Variants in TTLL11 observed in about 807,000 individuals in gnomAD.
The protein encoded by TTLL11 is tubulin tyrosine ligase like 11.
TTLL11 carries 42 observed loss-of-function variants against 51.7 expected under a neutral mutation model. The observed-to-expected ratio is 0.81, with a 90% CI of 0.64 to 1.05. The LOEUF (loss-of-function observed/expected upper bound fraction) is 1.05, where lower values mean the gene tolerates loss of function less well. Among genes scored for constraint, TTLL11 ranks in the 50% least tolerant of loss-of-function variants. TTLL11 has a pLI of 0.00. For synonymous variants in TTLL11, 381 were observed against 383.5 expected (o/e 0.99, Z 0.08); for missense variants, 799 against 940.4 (o/e 0.85, Z 1.97).
intron 6 of TTLL11, among the ~76,000 whole-genome samples, chr9:121,940,593 C>A (rs1481128830): frequency 2.6e-5 from 4 of 152,124 alleles, no homozygotes; most frequent in Non-Finnish European, 5.9e-5. Flanking sequence ...CCACCTCAGC[C>A]TCCCAAAGTG....
intron 6 of TTLL11, among the ~76,000 whole-genome samples, chr9:121,911,394 C>T (rs1307549138): frequency 3.3e-5 from 5 of 151,762 alleles, no homozygotes; most frequent in Non-Finnish European, 1.5e-5. Flanking sequence ...GAGACTCCAT[C>T]TCAGGAGAAA....
rs192267837 is a variant in TTLL11, at chr9:122,034,494, C to A, written c.560-2638G>T. 2.0e-5 allele frequency among the ~76,000 whole-genome samples: 3 copies of A among 152,336 alleles called. No individual in the cohort carries two copies. In the East Asian group the frequency reaches 5.8e-4, roughly 29 times the overall value. Reference sequence around the variant, plus strand: ...AGGCCGGAGGCAGCTCACTCCAAACCTGCCTGAATGCCTGTCTCCAGGAGG... The same window carrying A: ...AGGCCGGAGGCAGCTCACTCCAAACATGCCTGAATGCCTGTCTCCAGGAGG... On this transcript the variant is annotated intron_variant, in intron 2 of 8. Coordinates refer to ENST00000321582, the MANE Select transcript of TTLL11 (RefSeq NM_001139442.2).
chr9:122,076,226 AG>A (rs1227546897), intron 1 of TTLL11, among the ~76,000 whole-genome samples: 1 of 152,188 alleles, frequency 6.6e-6, no homozygotes, highest in Non-Finnish European at 1.5e-5. Flanking sequence ...CCACTCTTCA[AG>A]CCGTCTGTAA....
intron 4 of TTLL11, among the ~76,000 whole-genome samples, chr9:121,988,630 C>T (rs1350194329): frequency 2.0e-5 from 3 of 152,330 alleles, no homozygotes; most frequent in African/African-American, 7.2e-5. Flanking sequence ...GGAAGCCTTC[C>T]CTGACCACGC....
chr9:122,031,234 G>A (rs1458067399), intron 3 of TTLL11, among the ~76,000 whole-genome samples: 1 of 152,256 alleles, frequency 6.6e-6, no homozygotes, highest in African/African-American at 2.4e-5. Flanking sequence ...GATGGAATGG[G>A]TCACTTGACA....
chr9:121,981,148 T>C (rs201058133), intron 4 of TTLL11, among the ~76,000 whole-genome samples: 2 of 144,226 alleles, frequency 1.4e-5, no homozygotes, highest in East Asian at 3.9e-4. Context: ...TTTTTTTTTT[T>C]AAATATTCCC....
intron 1 of TTLL11, among the ~76,000 whole-genome samples, chr9:122,066,181 G>A (rs111437018): frequency 9.3e-5 from 14 of 149,752 alleles, no homozygotes; most frequent in African/African-American, 3.5e-4. Flanking sequence ...GTGGACTGGG[G>A]AGCAGAGTGT....
rs776259020 is a variant in TTLL11 at position 121,972,241 on chromosome 9, C to T, written c.1481+1768G>A. 7.9e-5 allele frequency among the ~76,000 whole-genome samples: 12 copies of T among 152,198 alleles called. No homozygotes were observed. The East Asian group carries it at 1.2e-3, about 15-fold the overall frequency. ...ACCCAAATCTCCTTACAGTACCATACGATTTCTCAGAACCTAATATCTGCT... is the reference window on the plus strand; with the variant it reads ...ACCCAAATCTCCTTACAGTACCATATGATTTCTCAGAACCTAATATCTGCT... On this transcript the variant is annotated intron_variant, in intron 6 of 8. Transcript: ENST00000321582.
chr9:121,854,241 G>T (rs1012046039), intron 8 of TTLL11, among the ~76,000 whole-genome samples: 13 of 152,176 alleles, frequency 8.5e-5, no homozygotes, highest in African/African-American at 3.1e-4. Flanking sequence ...TGGGCACATA[G>T]CTCAGGAGGC....
At chr9:122,071,083 C>T (rs998198748) in intron 1 of TTLL11, among the ~76,000 whole-genome samples, 7 of 152,126 alleles carry the variant, frequency 4.6e-5, no homozygotes, top group Non-Finnish European at 7.3e-5. Context: ...GTTGCTGGAA[C>T]TTTTTAAGCA....
chr9:121,826,553 G>GTATATATATATATATATATATA (rs1385087890), intron 8 of TTLL11, among the ~76,000 whole-genome samples: 15 of 45,204 alleles, frequency 3.3e-4, no homozygotes, highest in African/African-American at 7.2e-4. Context: ...ATATATATGT[G>GTATATATATATATATATATATA]TGTGTATATA....
chr9:121,822,715 C>A lies in TTLL11; in HGVS notation c.2005G>T (p.Gly669Trp), dbSNP rs1009597569. The change falls in exon 9 of 9, where the codon GGG becomes TGG. Residue 669 changes from glycine (G) to tryptophan (W), a missense_variant. This residue lies in a region of TTLL11 where 165 missense variants were observed against 166.1 expected (regional missense o/e 0.99). Coordinates refer to ENST00000321582, the MANE Select transcript of TTLL11 (RefSeq NM_001139442.2). The surrounding 1 kb of genome is among the most constrained non-coding windows in gnomAD (Gnocchi z 5.8). Reference sequence around the variant, plus strand: ...GGGCCACGGTGTGGGGGCCGGCCCCCCGACGGGACGCCCCGGCCACACACC... The same window carrying A: ...GGGCCACGGTGTGGGGGCCGGCCCCACGACGGGACGCCCCGGCCACACACC... ...RLVCGRGVPS[G>W]GRPPHRGPPQ... 10 of 1,550,654 alleles carry A rather than the reference C, an allele frequency of 6.4e-6. No individual in the cohort carries two copies. Among genetic ancestry groups the A allele is most frequent in the African/African-American group, 1.4e-5 (1 of 73,026 alleles).
Position 122,093,308 on chromosome 9 carries a change from C to G in TTLL11, c.-160G>C, listed in dbSNP as rs892258203. ...TCAGGCTCGGGTTGACAGCGGCAGT[C>G]ACCGCATCGAGACGGGGTCCGGGAA... On this transcript the variant is annotated 5_prime_UTR_variant, in exon 1 of 9. Transcript: ENST00000321582. 5.1e-6 allele frequency: 8 copies of G among 1,576,430 alleles called. No homozygotes were observed. Among genetic ancestry groups the G allele is most frequent in the Non-Finnish European group, 6.0e-6 (7 of 1,169,828 alleles).
intron 6 of TTLL11, among the ~76,000 whole-genome samples, chr9:121,905,354 C>CT (rs901939789): frequency 0.04 from 5,787 of 143,988 alleles, 208 homozygotes; most frequent in African/African-American, 0.085. Context: ...TTACATTTAA[C>CT]TTTTTTTTTT....
chr9:121,874,924 T>C (rs898038921), intron 6 of TTLL11, among the ~76,000 whole-genome samples: 2 of 143,458 alleles, frequency 1.4e-5, no homozygotes, highest in Non-Finnish European at 3.0e-5. Context: ...GTCTGGCTAA[T>C]TTTTTTTTTC....
Position 122,093,268 on chromosome 9 carries a change from C to G in TTLL11, c.-120G>C, listed in dbSNP as rs765628724. On this transcript the variant is annotated 5_prime_UTR_variant, in exon 1 of 9. Coordinates refer to ENST00000321582, the MANE Select transcript of TTLL11 (RefSeq NM_001139442.2). ...CTGCCACGCGTTCCCCGCCCGAGCC[C>G]GTTGCCATGATCGCTCAGGCTCGGG... is the stretch of plus-strand genomic sequence containing the variant. 3 of 1,547,072 alleles carry G rather than the reference C, an allele frequency of 1.9e-6. No homozygotes were observed. Among genetic ancestry groups the G allele is most frequent in the Admixed American group, 1.9e-5 (1 of 52,732 alleles).
At chr9:121,908,355 T>A (rs1177483438) in intron 6 of TTLL11, among the ~76,000 whole-genome samples, 1 of 152,166 alleles carries the variant, frequency 6.6e-6, no homozygotes, top group African/African-American at 2.4e-5. Flanking sequence ...TTCTCTCTTC[T>A]TCTAAAGCAT....
intron 8 of TTLL11, among the ~76,000 whole-genome samples, chr9:121,857,407 C>G (rs559245909): frequency 2.0e-5 from 3 of 152,194 alleles, no homozygotes; most frequent in African/African-American, 7.2e-5. Flanking sequence ...ATCTTGCCTT[C>G]TTTTGCTGCT....
chr9:121,982,755 T>G lies in TTLL11; in HGVS notation c.1269+6440A>C, dbSNP rs368750940. Among the ~76,000 whole-genome samples the G allele has an allele frequency of 1.0e-3, 150 of 146,082 alleles. 1 individual carries two copies. The highest frequency in any genetic ancestry group is 3.6e-3 in the African/African-American group (143 of 39,860). ...AAAAAAAGAATAAGTCATGTTTGAA[T>G]AGCTGGGGAAGAGCATTCCAGGGAG... On this transcript the variant is annotated intron_variant, in intron 4 of 8. Coordinates refer to ENST00000321582, the MANE Select transcript of TTLL11 (RefSeq NM_001139442.2).
Sources: allele counts gnomAD v4.1 joint callset (sites outside exome capture counted in the v4.1 genomes callset), GRCh38; gene constraint gnomAD v4.1.1; regional missense constraint gnomAD v4.1.1; non-coding constraint Gnocchi (gnomAD v3.1); transcripts MANE v1.5; gene names NCBI Gene and HGNC (gene_info 2026-07-23, HGNC 2026-07-21).